The following NAP1L4 variants were observed in gnomAD, a reference collection of about 807,000 sequenced individuals.
The protein encoded by NAP1L4 is nucleosome assembly protein 1 like 4, also known as nucleosome assembly protein 1-like 4.
A neutral mutation model predicts 58.2 loss-of-function variants in NAP1L4; 15 were observed. The ratio of observed to expected loss-of-function variants is 0.26; its 90% CI spans 0.17 to 0.40. NAP1L4 has a LOEUF of 0.40. Ranked by LOEUF, NAP1L4 falls within the 10% of genes least tolerant of loss-of-function variation. The pLI is 1.00. For synonymous variants in NAP1L4, 171 were observed against 155.6 expected (o/e 1.10, Z -0.74); for missense variants, 384 against 451.1 (o/e 0.85, Z 1.35).
At chr11:2,983,016 T>C (rs1016965853) in intron 1 of NAP1L4, among the ~76,000 whole-genome samples, 4 of 151,630 alleles carry the variant, frequency 2.6e-5, no homozygotes, top group Non-Finnish European at 5.9e-5. Flanking sequence ...CAAGACTCCA[T>C]CTCAAAAAAA....
chr11:2,963,384 G>A (rs1847063574), intron 8 of NAP1L4, among the ~76,000 whole-genome samples: 1 of 152,196 alleles, frequency 6.6e-6, no homozygotes, highest in Admixed American at 6.5e-5. Context: ...TGCAAGCCCA[G>A]GAAGAAGGAC....
rs544440862 is a variant in NAP1L4, at chr11:2,949,013, G to A, written c.*32+214C>T. On this transcript the variant is annotated intron_variant, in intron 15 of 15. Coordinates refer to ENST00000380542, the MANE Select transcript of NAP1L4 (RefSeq NM_005969.4). The surrounding 1 kb of genome is among the most constrained non-coding windows in gnomAD (Gnocchi z 4.0). ...ACCCAAGTTACATCTTTGCTACTTG[G>A]TTAGCAAGAAACACTGGGCTCAGAA... is the stretch of plus-strand genomic sequence containing the variant. Among the ~76,000 whole-genome samples the A allele has an allele frequency of 6.6e-6, 1 of 152,312 alleles. No individual in the cohort carries two copies. The highest frequency in any genetic ancestry group is 2.1e-4 in the South Asian group (1 of 4,816).
At chr11:2,986,305 C>T (rs1329927897) in intron 1 of NAP1L4, among the ~76,000 whole-genome samples, 1 of 147,838 alleles carries the variant, frequency 6.8e-6, no homozygotes, top group East Asian at 2.0e-4. Flanking sequence ...ACCTGGGGGG[C>T]GGAGGTTGTA....
At position 2,946,733 on chromosome 11, in the gene NAP1L4, G is replaced by A. The variant is rs1482036481; in HGVS notation, c.*33-1087C>T. 1.3e-5 allele frequency among the ~76,000 whole-genome samples: 2 copies of A among 152,192 alleles called. No homozygotes were observed. The highest frequency in any genetic ancestry group is 4.8e-5 in the African/African-American group (2 of 41,446). On this transcript the variant is annotated intron_variant, in intron 15 of 15. Transcript: ENST00000380542. This position sits in a 1 kb window ranked among gnomAD's most constrained non-coding sequence, Gnocchi z 4.8. ...AATAACCTTGAACCCTGGTGTCTAA[G>A]CTCCCAATCTCAGCCACCCCAGAGG...
At chr11:2,967,153 C>T (rs1847330969) in intron 7 of NAP1L4, among the ~76,000 whole-genome samples, 1 of 152,170 alleles carries the variant, frequency 6.6e-6, no homozygotes, top group East Asian at 1.9e-4. Flanking sequence ...TCTACAGTCC[C>T]AGCTACTCGA....
chr11:2,954,376 C>T lies in NAP1L4; in HGVS notation c.1035+151G>A. The stretch of plus-strand genomic sequence containing the variant: ...TTCTCCTCTTCAAGCGTATTCCCCC[C>T]ACAACAAGGACAGCAGCTTGGACTA... On this transcript the variant is annotated intron_variant, in intron 12 of 15. Transcript: ENST00000380542. The surrounding 1 kb of genome is among the most constrained non-coding windows in gnomAD (Gnocchi z 4.8). 1 of 1,147,688 alleles carries T rather than the reference C, an allele frequency of 8.7e-7. No individual in the cohort carries two copies. The allele number at this position is 1,147,688 out of a possible 1,614,324, so 71.1% of individuals were successfully genotyped here.
At chr11:2,965,679 G>A (rs561886418) in intron 7 of NAP1L4, among the ~76,000 whole-genome samples, 3 of 152,202 alleles carry the variant, frequency 2.0e-5, no homozygotes, top group South Asian at 2.1e-4. Context: ...ACAGGCACCC[G>A]CCAACCATGC....
At chr11:2,986,428 CAA>C (rs964873651) in intron 1 of NAP1L4, among the ~76,000 whole-genome samples, 6 of 151,214 alleles carry the variant, frequency 4.0e-5, no homozygotes, top group African/African-American at 7.3e-5. Flanking sequence ...GTTTGAGAGA[CAA>C]AGCTAGAGAG....
At chr11:2,986,078 T>C (rs1320299451) in intron 1 of NAP1L4, among the ~76,000 whole-genome samples, 1 of 152,198 alleles carries the variant, frequency 6.6e-6, no homozygotes. Context: ...AGAGTAACTA[T>C]AAAATTGGGC....
At chr11:2,982,973 T>C (rs1030481606) in intron 1 of NAP1L4, among the ~76,000 whole-genome samples, 45 of 152,064 alleles carry the variant, frequency 3.0e-4, no homozygotes, top group African/African-American at 1.0e-3. Context: ...TGAGCAAAGA[T>C]TGCACCACTG....
At chr11:2,990,975 T>C (rs1163743544) in intron 1 of NAP1L4, 1 of 381,450 alleles carries the variant, frequency 2.6e-6, no homozygotes, top group South Asian at 1.8e-5. Context: ...TTTAAAAGTC[T>C]ATTTTCACCC....
Position 2,951,413 on chromosome 11 carries a change from G to T in NAP1L4, c.1066-98C>A. 1 of 986,306 alleles carries T rather than the reference G, an allele frequency of 1.0e-6. No individual in the cohort carries two copies. Among genetic ancestry groups the T allele is most frequent in the Non-Finnish European group, 1.6e-6 (1 of 620,030 alleles). 61.1% of individuals were successfully genotyped at this position (986,306 alleles called of 1,614,324 possible). A position where few individuals can be genotyped will look rare whatever the true frequency, so the allele number is the denominator to read the frequency against. On this transcript the variant is annotated intron_variant, in intron 13 of 15. Coordinates refer to ENST00000380542, the MANE Select transcript of NAP1L4 (RefSeq NM_005969.4). The surrounding 1 kb of genome is among the most constrained non-coding windows in gnomAD (Gnocchi z 4.0). The stretch of plus-strand genomic sequence containing the variant: ...CAAGGAGCAAAACACTGCCTTAGAT[G>T]GAAATCAATTACTGCTACCCACAAG...
chr11:2,983,620 T>C (rs1338675245), intron 1 of NAP1L4: 1 of 144,744 alleles, frequency 6.9e-6, no homozygotes, highest in South Asian at 2.1e-4. Flanking sequence ...AAATCAAGGA[T>C]AGAAAAAAAA....
Position 2,951,975 on chromosome 11 carries a change from C to G in NAP1L4, c.1036-166G>C. ...GCCTGAGGAGCCATTTGCTTGTGTG[C>G]AGCGCATTTTAAAAGCATGCCAGGA... On this transcript the variant is annotated intron_variant, in intron 12 of 15. Coordinates refer to ENST00000380542, the MANE Select transcript of NAP1L4 (RefSeq NM_005969.4). This position sits in a 1 kb window ranked among gnomAD's most constrained non-coding sequence, Gnocchi z 4.0. 1 of 670,830 alleles carries G rather than the reference C, an allele frequency of 1.5e-6. No homozygotes were observed. The highest frequency in any genetic ancestry group is 1.7e-5 in the South Asian group (1 of 58,110). The allele number at this position is 670,830 out of a possible 1,614,324, so 41.6% of individuals were successfully genotyped here.
At chr11:2,982,827 C>T (rs1848405323) in intron 1 of NAP1L4, among the ~76,000 whole-genome samples, 1 of 152,140 alleles carries the variant, frequency 6.6e-6, no homozygotes, top group Non-Finnish European at 1.5e-5. Flanking sequence ...TCAAGACCAG[C>T]CTGGCCAACA....
chr11:2,971,555 A>G lies in NAP1L4; in HGVS notation c.316-21T>C. The G allele has an allele frequency of 6.3e-7, 1 of 1,597,108 alleles. No individual in the cohort carries two copies. The highest frequency in any genetic ancestry group is 1.1e-5 in the South Asian group (1 of 90,538). On this transcript the variant is annotated intron_variant, in intron 5 of 15. Coordinates refer to ENST00000380542, the MANE Select transcript of NAP1L4 (RefSeq NM_005969.4). This position sits in a 1 kb window ranked among gnomAD's most constrained non-coding sequence, Gnocchi z 4.2. ...CTTCTCTACATAAAAATGAGACCTT[A>G]TTAGAATTATGTTATTAGCTTACTT...
At chr11:2,967,636 TA>T (rs201915692) in intron 7 of NAP1L4, among the ~76,000 whole-genome samples, 10,046 of 146,168 alleles carry the variant, frequency 0.069, 916 homozygotes, top group African/African-American at 0.21. Flanking sequence ...AAAATATTGT[TA>T]AAAAAAAAAA....
intron 1 of NAP1L4, among the ~76,000 whole-genome samples, chr11:2,987,881 G>A (rs539917280): frequency 1.6e-4 from 24 of 152,140 alleles, no homozygotes; most frequent in East Asian, 5.8e-4. Context: ...CAACAGACTC[G>A]GGATGAGACT....
At position 2,948,188 on chromosome 11, in the gene NAP1L4, C is replaced by G. The variant is rs1199017776; in HGVS notation, c.*32+1039G>C. Among the ~76,000 whole-genome samples, 1 of 152,098 alleles carries G rather than the reference C, an allele frequency of 6.6e-6. No individual in the cohort carries two copies. Among genetic ancestry groups the G allele is most frequent in the African/African-American group, 2.4e-5 (1 of 41,414 alleles). On this transcript the variant is annotated intron_variant, in intron 15 of 15. Coordinates refer to ENST00000380542, the MANE Select transcript of NAP1L4 (RefSeq NM_005969.4). This position sits in a 1 kb window ranked among gnomAD's most constrained non-coding sequence, Gnocchi z 5.1. The stretch of plus-strand genomic sequence containing the variant: ...ATACAGCCATATTCTGAAACCTGGC[C>G]CTGGAAAACAAAATCGTTCCAAGAG...
Sources: gnomAD v4.1 joint callset for allele counts (sites outside exome capture counted in the v4.1 genomes callset) on GRCh38, gnomAD v4.1.1 for gene constraint, Gnocchi (gnomAD v3.1) non-coding constraint, MANE v1.5 for transcripts, NCBI Gene and HGNC (gene_info 2026-07-23, HGNC 2026-07-21) for gene names.